The following CDH12 variants were observed in gnomAD, a reference collection of about 807,000 sequenced individuals.
CDH12 encodes the protein cadherin-12.
In CDH12, 41 loss-of-function variants were observed where a neutral mutation model predicts 74.1. The observed-to-expected ratio is 0.55, with a 90% CI of 0.43 to 0.72. CDH12 has a LOEUF of 0.72. CDH12 is among the 30% of genes least tolerant of loss of function. The pLI is 0.00. For synonymous variants in CDH12, 399 were observed against 355.0 expected, an observed-to-expected ratio of 1.12 and a Z score of -1.39; for missense variants, 945 against 977.2, an observed-to-expected ratio of 0.97 and a Z score of 0.44.
chr5:22,017,402 G>C (rs1031436257), intron 5 of CDH12, among the ~76,000 whole-genome samples: 1 of 152,138 alleles, frequency 6.6e-6, no homozygotes, highest in East Asian at 1.9e-4. Flanking sequence ...AAGGTCACAT[G>C]CTCCTCTCTC....
intron 3 of CDH12, among the ~76,000 whole-genome samples, chr5:22,312,511 AT>A (rs1738437976): frequency 6.6e-6 from 1 of 152,130 alleles, no homozygotes; most frequent in Non-Finnish European, 1.5e-5. Context: ...TTACTTATCA[AT>A]TTCAAAAGAT....
chr5:22,588,412 T>C (rs1252972827), intron 1 of CDH12, among the ~76,000 whole-genome samples: 2 of 152,102 alleles, frequency 1.3e-5, no homozygotes, highest in Admixed American at 1.3e-4. Context: ...TCATACGCCA[T>C]TTGTAGAGTT....
chr5:21,910,343 T>C (rs1184694638), intron 6 of CDH12, among the ~76,000 whole-genome samples: 1 of 152,144 alleles, frequency 6.6e-6, no homozygotes, highest in East Asian at 1.9e-4. Flanking sequence ...TCGGGACCCA[T>C]GCTTTTGATC....
chr5:22,194,787 A>G (rs1750528254), intron 4 of CDH12, among the ~76,000 whole-genome samples: 1 of 152,216 alleles, frequency 6.6e-6, no homozygotes, highest in African/African-American at 2.4e-5. Context: ...TTTGTGAGCA[A>G]TGGGGACCAC....
intron 1 of CDH12, among the ~76,000 whole-genome samples, chr5:22,677,782 G>T (rs1376934707): frequency 6.6e-6 from 1 of 152,028 alleles, no homozygotes; most frequent in Non-Finnish European, 1.5e-5. Context: ...CTTAGTTTGG[G>T]ATGCCCACAA....
chr5:21,911,443 T>C (rs1204042009), intron 6 of CDH12, among the ~76,000 whole-genome samples: 2 of 152,238 alleles, frequency 1.3e-5, no homozygotes, highest in East Asian at 1.9e-4. Context: ...TGAAGGGCTA[T>C]TATATGAAAT....
chr5:22,746,468 A>G (rs973389582), intron 1 of CDH12, among the ~76,000 whole-genome samples: 1 of 152,208 alleles, frequency 6.6e-6, no homozygotes, highest in African/African-American at 2.4e-5. Context: ...AAATATGGAC[A>G]TGGTATAAAC....
At chr5:21,924,818 C>T (rs1685918079) in intron 6 of CDH12, among the ~76,000 whole-genome samples, 1 of 152,064 alleles carries the variant, frequency 6.6e-6, no homozygotes, top group Admixed American at 6.6e-5. Flanking sequence ...CAAATGTGGC[C>T]ACTTTTTATG....
At chr5:21,780,462 C>A (rs993039733) in intron 11 of CDH12, among the ~76,000 whole-genome samples, 2 of 152,192 alleles carry the variant, frequency 1.3e-5, no homozygotes, top group African/African-American at 4.8e-5. Flanking sequence ...AGACCTGCCA[C>A]AGCTACAGCA....
intron 1 of CDH12, among the ~76,000 whole-genome samples, chr5:22,732,475 C>T (rs1314868957): frequency 2.7e-5 from 1 of 36,730 alleles, no homozygotes; most frequent in African/African-American, 9.6e-5. Context: ...TATATATACA[C>T]ACACACACAC....
rs111532839 is a variant in CDH12 at position 22,335,423 on chromosome 5, A to C, written c.-333+69834T>G. On this transcript the variant is annotated intron_variant, in intron 3 of 14. Coordinates refer to ENST00000382254, the MANE Select transcript of CDH12 (RefSeq NM_004061.5). The stretch of plus-strand genomic sequence containing the variant: ...AGATTGTGAAACACCGTCTCTACTA[A>C]AAATACAAAGAATTGGCCAGACGTG... Among the ~76,000 whole-genome samples, 138 of 152,194 alleles carry C rather than the reference A, an allele frequency of 9.1e-4. 1 individual carries two copies. The highest frequency in any genetic ancestry group is 3.1e-3 in the African/African-American group (130 of 41,544).
chr5:22,037,966 C>T (rs1448676756), intron 5 of CDH12, among the ~76,000 whole-genome samples: 3 of 152,034 alleles, frequency 2.0e-5, no homozygotes, highest in Non-Finnish European at 2.9e-5. Context: ...CCCAGCAGTC[C>T]CCATCAACAC....
chr5:22,426,192 A>T (rs1032286604), intron 2 of CDH12, among the ~76,000 whole-genome samples: 1 of 80,890 alleles, frequency 1.2e-5, no homozygotes, highest in African/African-American at 4.5e-5. Context: ...TCTCAAAAAA[A>T]AGAAAAAAAA....
chr5:22,623,577 G>A (rs376323547), intron 1 of CDH12, among the ~76,000 whole-genome samples: 1 of 152,074 alleles, frequency 6.6e-6, no homozygotes, highest in African/African-American at 2.4e-5. Flanking sequence ...GCTTCAAAGA[G>A]AATCAAATAC....
chr5:22,148,413 T>G (rs1262794996), intron 4 of CDH12, among the ~76,000 whole-genome samples: 2 of 151,784 alleles, frequency 1.3e-5, no homozygotes, highest in East Asian at 3.9e-4. Context: ...TTTAATTAAA[T>G]GGCCAATGAA....
At chr5:22,782,257 G>T (rs1275148082) in intron 1 of CDH12, among the ~76,000 whole-genome samples, 1 of 152,056 alleles carries the variant, frequency 6.6e-6, no homozygotes, top group African/African-American at 2.4e-5. Flanking sequence ...GAATAATATG[G>T]TTTGGCTCTG....
At chr5:22,272,751 T>C (rs10473586) in intron 3 of CDH12, among the ~76,000 whole-genome samples, 147,824 of 152,230 alleles carry the variant, frequency 0.97, 71,908 homozygotes, top group Non-Finnish European at 1. Context: ...GTCAGAATGA[T>C]GCACAACATT....
chr5:22,219,763 C>T (rs1751946568), intron 3 of CDH12, among the ~76,000 whole-genome samples: 1 of 151,624 alleles, frequency 6.6e-6, no homozygotes, highest in African/African-American at 2.4e-5. Context: ...ATTATGAATC[C>T]TTGGGCTCGT....
intron 6 of CDH12, among the ~76,000 whole-genome samples, chr5:21,902,366 C>T (rs1252020188): frequency 6.6e-6 from 1 of 151,908 alleles, no homozygotes; most frequent in African/African-American, 2.4e-5. Flanking sequence ...CACTGTCTCT[C>T]TTTCAGATCT....
Sources: gnomAD v4.1 joint callset for allele counts (sites outside exome capture counted in the v4.1 genomes callset) on GRCh38, gnomAD v4.1.1 for gene constraint, MANE v1.5 for transcripts, NCBI Gene and HGNC (gene_info 2026-07-23, HGNC 2026-07-21) for gene names.